POU6F2: variants seen among roughly 807,000 people sequenced by gnomAD.
POU6F2 encodes POU class 6 homeobox 2.
In POU6F2, 31 loss-of-function variants were observed where a neutral mutation model predicts 71.3. That is an observed-to-expected ratio of 0.43 (90% CI 0.33 to 0.59). The LOEUF (loss-of-function observed/expected upper bound fraction) is 0.59. Ranked by LOEUF, POU6F2 falls within the 20% of genes least tolerant of loss-of-function variation. POU6F2 has a pLI of 0.04. For missense variants in POU6F2, 783 were observed against 856.8 expected (o/e 0.91, Z 1.07); for synonymous variants, 347 against 355.7 (o/e 0.98, Z 0.27).
chr7:39,092,117 T>C (rs1474336870), intron 2 of POU6F2, among the ~76,000 whole-genome samples: 1 of 152,224 alleles, frequency 6.6e-6, no homozygotes, highest in Non-Finnish European at 1.5e-5. Flanking sequence ...TGTTTCTTGA[T>C]TTTTTATGCT....
At chr7:39,221,384 C>CTTTTTTTTTTTTTTTTTTTTTTTTTTTT (rs33915153) in intron 4 of POU6F2, among the ~76,000 whole-genome samples, 1 of 86,332 alleles carries the variant, frequency 1.2e-5, no homozygotes, top group Non-Finnish European at 2.1e-5. Context: ...CTCTCTCTCT[C>CTTTTTTTTTTTTTTTTTTTTTTTTTTTT]TTTTTTTTTT....
chr7:39,359,388 AC>A (rs1405911004), intron 5 of POU6F2, among the ~76,000 whole-genome samples: 4 of 152,174 alleles, frequency 2.6e-5, no homozygotes, highest in African/African-American at 9.7e-5. Context: ...TATATTTTAA[AC>A]ATCCTCTGGA....
chr7:39,062,817 C>T (rs62442185), intron 1 of POU6F2, among the ~76,000 whole-genome samples: 4,679 of 150,564 alleles, frequency 0.031, 98 homozygotes, highest in Non-Finnish European at 0.05. Context: ...TTTGGGAGGC[C>T]GAGGAAGGAG....
At chr7:39,345,154 T>C (rs1006796703) in intron 5 of POU6F2, among the ~76,000 whole-genome samples, 9 of 152,340 alleles carry the variant, frequency 5.9e-5, no homozygotes, top group African/African-American at 2.2e-4. Context: ...ATCAGTCATA[T>C]GAACATTTAG....
At chr7:39,017,746 A>G (rs1003366581) in intron 1 of POU6F2, among the ~76,000 whole-genome samples, 2 of 151,164 alleles carry the variant, frequency 1.3e-5, no homozygotes, top group Non-Finnish European at 2.9e-5. Context: ...TAACCCAATT[A>G]TTTGCATGAC....
In POU6F2 at chr7:39,123,162, A is replaced by G. The variant is rs1792079086; in HGVS notation, c.277+37131A>G. 2.6e-5 allele frequency among the ~76,000 whole-genome samples: 4 copies of G among 152,244 alleles called. No homozygotes were observed. The South Asian group carries it at 8.3e-4, about 31-fold the overall frequency. On this transcript the variant is annotated intron_variant, in intron 2 of 9. Transcript: ENST00000518318. ...TCAGCTGTCATGATGATTGACAAAT[A>G]TAGTAGGTCCTCAATCAATGCTAAA... is the stretch of plus-strand genomic sequence containing the variant.
At chr7:39,048,082 A>G (rs1790327251) in intron 1 of POU6F2, among the ~76,000 whole-genome samples, 1 of 152,002 alleles carries the variant, frequency 6.6e-6, no homozygotes, top group South Asian at 2.1e-4. Flanking sequence ...AAGGATTGGT[A>G]TTTAAATAGT....
chr7:39,215,659 C>T (rs552227163), intron 4 of POU6F2, among the ~76,000 whole-genome samples: 7 of 152,216 alleles, frequency 4.6e-5, no homozygotes, highest in Non-Finnish European at 7.4e-5. Context: ...TGCACATATA[C>T]GCTACTGGGG....
At chr7:39,171,107 G>A (rs566652741) in intron 2 of POU6F2, among the ~76,000 whole-genome samples, 144 of 146,738 alleles carry the variant, frequency 9.8e-4, no homozygotes, top group African/African-American at 3.5e-3. Flanking sequence ...ATATGCCATG[G>A]TGGTTTGCTG....
At chr7:39,161,583 G>T (rs1454381822) in intron 2 of POU6F2, among the ~76,000 whole-genome samples, 2 of 152,146 alleles carry the variant, frequency 1.3e-5, no homozygotes, top group African/African-American at 4.8e-5. Flanking sequence ...GCTCAAGGTA[G>T]CTGACTTCGG....
chr7:39,293,229 A>G (rs1190832313), intron 4 of POU6F2, among the ~76,000 whole-genome samples: 1 of 152,072 alleles, frequency 6.6e-6, no homozygotes, highest in Non-Finnish European at 1.5e-5. Flanking sequence ...TCTCCTTGGC[A>G]TGGAATTCGT....
rs538791174 is a variant in POU6F2, at chr7:39,412,113, T to G, written c.1113+5373T>G. 4.2e-4 allele frequency among the ~76,000 whole-genome samples: 64 copies of G among 152,336 alleles called. No individual in the cohort carries two copies. The South Asian group carries it at 0.01, about 24-fold the overall frequency. On this transcript the variant is annotated intron_variant, in intron 6 of 9. Transcript: ENST00000518318. ...TTAGTTGTGTGGACCTTGGATATGT[T>G]ATAAAACCTTTTTCTGGGCCTCTGT... is the stretch of plus-strand genomic sequence containing the variant.
chr7:39,264,002 T>C (rs1782263156), intron 4 of POU6F2, among the ~76,000 whole-genome samples: 1 of 152,224 alleles, frequency 6.6e-6, no homozygotes, highest in Admixed American at 6.5e-5. Context: ...AACTTGCTAA[T>C]TTTCTGCTCA....
intron 2 of POU6F2, among the ~76,000 whole-genome samples, chr7:39,180,947 T>C (rs1793423421): frequency 6.6e-6 from 1 of 152,220 alleles, no homozygotes; most frequent in African/African-American, 2.4e-5. Context: ...AATACTAACG[T>C]CTAAGTCCTA....
At chr7:39,360,113 T>A (rs1241372171) in intron 5 of POU6F2, among the ~76,000 whole-genome samples, 1 of 152,218 alleles carries the variant, frequency 6.6e-6, no homozygotes, top group African/African-American at 2.4e-5. Context: ...TTGTTTGCAG[T>A]GAAGTATTCA....
In POU6F2 at chr7:39,155,891, C is replaced by G. The variant is rs140275132; in HGVS notation, c.278-48344C>G. ...ATGGCAAACACTATTCAATTAGCCA[C>G]CCATATTAAACAATGTAATAGTACC... On this transcript the variant is annotated intron_variant, in intron 2 of 9. Coordinates refer to ENST00000518318, the MANE Select transcript of POU6F2 (RefSeq NM_001370959.1). Among the ~76,000 whole-genome samples the G allele has an allele frequency of 2.1e-3, 319 of 152,208 alleles. 1 individual carries two copies. The highest frequency in any genetic ancestry group is 7.2e-3 in the African/African-American group (299 of 41,514).
At position 39,352,939 on chromosome 7, in the gene POU6F2, TC is replaced by T. The variant is rs537620317; in HGVS notation, c.972+12930del. Among the ~76,000 whole-genome samples the T allele has an allele frequency of 3.0e-3, 463 of 152,190 alleles. 1 individual carries two copies. Among genetic ancestry groups the T allele is most frequent in the Non-Finnish European group, 4.5e-3 (307 of 68,020 alleles). On this transcript the variant is annotated intron_variant, in intron 5 of 9. Coordinates refer to ENST00000518318, the MANE Select transcript of POU6F2 (RefSeq NM_001370959.1). ...TTTGGAAGCCACTAGAGTCTCATGTTCCCCCCATCTTTTATGTCCCTGTGTC... is the reference window on the plus strand; with the variant it reads ...TTTGGAAGCCACTAGAGTCTCATGTTCCCCCATCTTTTATGTCCCTGTGTC...
chr7:39,122,544 G>A (rs1023349613), intron 2 of POU6F2, among the ~76,000 whole-genome samples: 3 of 152,132 alleles, frequency 2.0e-5, no homozygotes, highest in African/African-American at 7.2e-5. Flanking sequence ...TAACAGCAGA[G>A]GGGAGGCAAT....
rs766931436 is a variant in POU6F2, at chr7:39,339,744, C to T, written c.701C>T (p.Pro234Leu). The stretch of plus-strand genomic sequence containing the variant: ...CCTCCCCCGTCAACCAACCAGCACC[C>T]GCAACCAGCCCCACAGGCGCCCTCG... Reference protein sequence around the residue: ...QQPPPSTNQHPQPAPQAPSQS... With the variant: ...QQPPPSTNQHLQPAPQAPSQS... Residue 234 changes from proline to leucine, a missense_variant, in exon 5 of 10, where the codon CCG becomes CTG. Pro to Leu is a moderately conservative substitution (Grantham distance 98). Around this residue, in one of 2 missense-constraint regions of POU6F2, gnomAD observed 572 missense variants for 572.9 expected, o/e 1.00. Transcript: ENST00000518318. The T allele has an allele frequency of 9.4e-5, 151 of 1,601,828 alleles. No individual in the cohort carries two copies. The highest frequency in any genetic ancestry group is 1.2e-4 in the Non-Finnish European group (143 of 1,174,814).
Sources: gnomAD v4.1 joint callset for allele counts (sites outside exome capture counted in the v4.1 genomes callset) on GRCh38, gnomAD v4.1.1 for gene constraint, gnomAD v4.1.1 regional missense constraint, MANE v1.5 for transcripts, NCBI Gene and HGNC (gene_info 2026-07-23, HGNC 2026-07-21) for gene names.